DOCK3: variants seen among roughly 807,000 people sequenced by gnomAD.
DOCK3 encodes the protein dedicator of cytokinesis protein 3.
A neutral mutation model predicts 265.6 loss-of-function variants in DOCK3; 60 were observed. The ratio of observed to expected loss-of-function variants is 0.23; its 90% CI spans 0.18 to 0.28. The LOEUF (loss-of-function observed/expected upper bound fraction) is 0.28, where lower values mean the gene tolerates loss of function less well. Ranked by LOEUF, DOCK3 falls within the 10% of genes least tolerant of loss-of-function variation. The pLI is 1.00. For missense variants in DOCK3, 1,981 were observed against 2,594.3 expected (o/e 0.76, Z 5.14); for synonymous variants, 881 against 938.0 (o/e 0.94, Z 1.11).
At chr3:50,937,276 T>TAAAA (rs60209788) in intron 5 of DOCK3, among the ~76,000 whole-genome samples, 7 of 110,694 alleles carry the variant, frequency 6.3e-5, no homozygotes, top group South Asian at 3.3e-4. Context: ...AAACTCCATC[T>TAAAA]AAAAAAAAAA....
intron 27 of DOCK3, among the ~76,000 whole-genome samples, chr3:51,306,649 T>A (rs2082706186): frequency 6.6e-6 from 1 of 152,244 alleles, no homozygotes; most frequent in Non-Finnish European, 1.5e-5. Context: ...TGGCTTCAAA[T>A]TTGCTGATTC....
Position 51,374,355 on chromosome 3 carries a change from C to T in DOCK3, c.5294-114C>T, listed in dbSNP as rs534456917. ...CTCCTGTGCTTGCTGAGTTCATCCT[C>T]ACCCTAACTGTAAGGGACACCTACC... On this transcript the variant is annotated intron_variant, in intron 49 of 52. Coordinates refer to ENST00000266037, the MANE Select transcript of DOCK3 (RefSeq NM_004947.5). The surrounding 1 kb of genome is among the most constrained non-coding windows in gnomAD (Gnocchi z 4.8). 91 of 927,058 alleles carry T rather than the reference C, an allele frequency of 9.8e-5. No homozygotes were observed. In the South Asian group the frequency reaches 1.3e-3, roughly 13 times the overall value. 57.4% of individuals were successfully genotyped at this position (927,058 alleles called of 1,614,324 possible). A position where few individuals can be genotyped will look rare whatever the true frequency, so the allele number is the denominator to read the frequency against.
intron 4 of DOCK3, among the ~76,000 whole-genome samples, chr3:50,919,056 G>A (rs957173508): frequency 2.0e-5 from 3 of 152,066 alleles, no homozygotes; most frequent in African/African-American, 7.2e-5. Context: ...GGTTTGTCAA[G>A]GATCAGATGG....
intron 26 of DOCK3, among the ~76,000 whole-genome samples, 200 bp from the exon 27 acceptor site, chr3:51,279,906 T>G (rs1414278987): frequency 6.6e-6 from 1 of 152,244 alleles, no homozygotes; most frequent in African/African-American, 2.4e-5. Flanking sequence ...AGCCCCATGC[T>G]GCAGAGGGTT....
At chr3:50,847,080 T>C (rs945328701) in intron 3 of DOCK3, among the ~76,000 whole-genome samples, 5 of 152,160 alleles carry the variant, frequency 3.3e-5, no homozygotes, top group Admixed American at 1.3e-4. Context: ...AATTGCTATT[T>C]TTTTTTCTAA....
intron 27 of DOCK3, among the ~76,000 whole-genome samples, chr3:51,289,188 G>A (rs1026261647): frequency 1.3e-5 from 2 of 152,122 alleles, no homozygotes; most frequent in Non-Finnish European, 2.9e-5. Flanking sequence ...AACTAATGCA[G>A]GAACAGCAAA....
chr3:50,901,098 C>G (rs1035864372), intron 4 of DOCK3: 4 of 280,048 alleles, frequency 1.4e-5, no homozygotes, highest in South Asian at 3.1e-5. Flanking sequence ...CCTAGGTGCT[C>G]TGTCCCAGGG....
intron 5 of DOCK3, among the ~76,000 whole-genome samples, chr3:51,024,293 G>A (rs1165671664): frequency 6.6e-6 from 1 of 152,138 alleles, no homozygotes; most frequent in African/African-American, 2.4e-5. Context: ...TTCTCTCATG[G>A]TGTATGGTTT....
chr3:51,364,256 C>T (rs2086962313), intron 49 of DOCK3, among the ~76,000 whole-genome samples: 1 of 152,152 alleles, frequency 6.6e-6, no homozygotes, highest in Non-Finnish European at 1.5e-5. Flanking sequence ...AGCATTTTTT[C>T]ATGTGTCTGT....
chr3:51,260,393 C>T, intron 23 of DOCK3, 67 bp downstream of exon 23: 1 of 1,499,120 alleles, frequency 6.7e-7, no homozygotes, highest in Non-Finnish European at 8.9e-7. Flanking sequence ...TCTTTGTCCT[C>T]TGGTTTTCAG....
In DOCK3 at chr3:51,359,380, T is replaced by C. The variant is rs2086577722; in HGVS notation, c.4885-1131T>C. ...GAAAGCCTGGAGATCCTGAAATTTC[T>C]CCCTCTGTTAGGATTCTCCCATGGT... On this transcript the variant is annotated intron_variant, in intron 46 of 52. Coordinates refer to ENST00000266037, the MANE Select transcript of DOCK3 (RefSeq NM_004947.5). The surrounding 1 kb of genome is among the most constrained non-coding windows in gnomAD (Gnocchi z 4.8). Among the ~76,000 whole-genome samples the C allele has an allele frequency of 6.6e-6, 1 of 152,212 alleles. No individual in the cohort carries two copies. Among genetic ancestry groups the C allele is most frequent in the African/African-American group, 2.4e-5 (1 of 41,456 alleles).
chr3:50,870,822 TA>T (rs1241123819), intron 3 of DOCK3, among the ~76,000 whole-genome samples: 1 of 152,078 alleles, frequency 6.6e-6, no homozygotes, highest in African/African-American at 2.4e-5. Flanking sequence ...ACTACCTTAT[TA>T]TCCATTATTT....
At chr3:51,004,511 T>G (rs1340739033) in intron 5 of DOCK3, among the ~76,000 whole-genome samples, 1 of 152,084 alleles carries the variant, frequency 6.6e-6, no homozygotes, top group Admixed American at 6.6e-5. Context: ...TGGATTAGGT[T>G]TAGGTTTCTC....
intron 5 of DOCK3, among the ~76,000 whole-genome samples, chr3:50,966,483 G>GTTTTTTTTTTTTTTTTTCTTTTTTTTTT (rs140247895): frequency 8.6e-6 from 1 of 116,904 alleles, no homozygotes. Context: ...GTTATCTCTT[G>GTTTTTTTTTTTTTTTTTCTTTTTTTTTT]TTTTTTTTTT....
At chr3:51,332,194 G>A (rs1330996395) in intron 33 of DOCK3, among the ~76,000 whole-genome samples, 1 of 152,248 alleles carries the variant, frequency 6.6e-6, no homozygotes, top group Non-Finnish European at 1.5e-5. Flanking sequence ...GCAAGGAATA[G>A]TGTGGAAAGG....
rs533994312 is a variant in DOCK3, at chr3:50,743,899, C to T, written c.38-34776C>T. On this transcript the variant is annotated intron_variant, in intron 1 of 52. Transcript: ENST00000266037. Reference sequence around the variant, plus strand: ...GCAGCTGTACCATTTCACATTCCCACCAGCAGTGCACAGGGTTCCAATTTC... The same window carrying T: ...GCAGCTGTACCATTTCACATTCCCATCAGCAGTGCACAGGGTTCCAATTTC... Among the ~76,000 whole-genome samples, 5 of 152,322 alleles carry T rather than the reference C, an allele frequency of 3.3e-5. No individual in the cohort carries two copies. In the East Asian group the frequency reaches 9.6e-4, roughly 29 times the overall value.
At chr3:51,293,461 C>A (rs2081904292) in intron 27 of DOCK3, among the ~76,000 whole-genome samples, 1 of 152,088 alleles carries the variant, frequency 6.6e-6, no homozygotes, top group Non-Finnish European at 1.5e-5. Context: ...ATCTCACCCC[C>A]CTATAGAAGA....
At chr3:50,879,429 G>C (rs2047906488) in intron 3 of DOCK3, among the ~76,000 whole-genome samples, 1 of 150,528 alleles carries the variant, frequency 6.6e-6, no homozygotes, top group South Asian at 2.1e-4. Flanking sequence ...AAGGGATGGA[G>C]GAAGATTTAC....
intron 1 of DOCK3, among the ~76,000 whole-genome samples, chr3:50,700,334 G>A (rs1191013218): frequency 6.6e-6 from 1 of 152,176 alleles, no homozygotes; most frequent in Non-Finnish European, 1.5e-5. Context: ...ACAATAAGTT[G>A]TATATTACTA....
Sources: gnomAD v4.1 joint callset for allele counts (sites outside exome capture counted in the v4.1 genomes callset) on GRCh38, gnomAD v4.1.1 for gene constraint, Gnocchi (gnomAD v3.1) non-coding constraint, MANE v1.5 for transcripts, NCBI Gene and HGNC (gene_info 2026-07-23, HGNC 2026-07-21) for gene names.